DMGDH: variants seen among roughly 807,000 people sequenced by gnomAD.
The protein encoded by DMGDH is dimethylglycine dehydrogenase.
DMGDH carries 76 observed loss-of-function variants against 95.2 expected under a neutral mutation model. The observed-to-expected ratio is 0.80, with a 90% confidence interval of 0.66 to 0.97. The LOEUF is 0.97. DMGDH is among the 50% of genes least tolerant of loss of function. The probability of loss-of-function intolerance (pLI) is 0.00; values close to 1 mark genes in which losing one functional copy is unlikely to be tolerated. For missense variants in DMGDH, 987 were observed against 1,055.0 expected (o/e 0.94, Z 0.89); for synonymous variants, 345 against 377.6 (o/e 0.91, Z 1.00).
intron 2 of DMGDH, among the ~76,000 whole-genome samples, chr5:79,059,650 A>C (rs1274075656): frequency 6.6e-6 from 1 of 152,200 alleles, no homozygotes; most frequent in East Asian, 1.9e-4. Context: ...GGGGCAGAAA[A>C]CCTAATAATA....
chr5:79,007,787 C>T (rs1753577260), intron 14 of DMGDH, among the ~76,000 whole-genome samples: 1 of 152,216 alleles, frequency 6.6e-6, no homozygotes, highest in African/African-American at 2.4e-5. Context: ...TCCTGAGTCC[C>T]CTATTAAATA....
intron 14 of DMGDH, chr5:79,021,395 TA>T (rs1753863304): frequency 1.0e-5 from 12 of 1,179,782 alleles, no homozygotes; most frequent in African/African-American, 1.6e-5. Flanking sequence ...CAGCGGTACT[TA>T]ATAAATGTCT....
Position 78,998,317 on chromosome 5 carries a change from A to G in DMGDH, c.2386-20T>C. 2 of 1,603,626 alleles carry G rather than the reference A, an allele frequency of 1.2e-6. No homozygotes were observed. The highest frequency in any genetic ancestry group is 1.1e-5 in the South Asian group (1 of 90,080). On this transcript the variant is annotated intron_variant, in intron 15 of 15. Coordinates refer to ENST00000255189, the MANE Select transcript of DMGDH (RefSeq NM_013391.3). The stretch of plus-strand genomic sequence containing the variant: ...AACCACCTGGAAAACAAGACCCAAC[A>G]GTCCTCAGCATCTTGGTCACAGCTC...
rs886532028 is a variant in DMGDH, at chr5:79,006,075, C to T, written c.2251-668G>A. On this transcript the variant is annotated intron_variant, in intron 14 of 15. Transcript: ENST00000255189. ...ACCTTTTTTTTTTTTTTACTTCTTC[C>T]GTGCAACACATGACAGATGACATTC... Among the ~76,000 whole-genome samples, 30 of 149,754 alleles carry T rather than the reference C, an allele frequency of 2.0e-4. 1 individual carries two copies. The highest frequency in any genetic ancestry group is 5.4e-4 in the African/African-American group (22 of 40,782).
intron 14 of DMGDH, among the ~76,000 whole-genome samples, chr5:79,007,619 G>T (rs936148192): frequency 2.0e-5 from 3 of 152,026 alleles, no homozygotes; most frequent in Admixed American, 6.6e-5. Context: ...ATGCTTTATT[G>T]TGCAGAGAAG....
chr5:79,038,355 G>A (rs1454761137), intron 7 of DMGDH, among the ~76,000 whole-genome samples: 3 of 152,066 alleles, frequency 2.0e-5, no homozygotes, highest in South Asian at 2.1e-4. Context: ...ATGGTGGAGC[G>A]TGCTTGTAAT....
At chr5:79,020,265 C>T (rs1161720435) in intron 14 of DMGDH, among the ~76,000 whole-genome samples, 1 of 152,018 alleles carries the variant, frequency 6.6e-6, no homozygotes. Context: ...TTTTAAACAG[C>T]GAAATATTAT....
chr5:79,027,041 T>A (rs573736836), intron 12 of DMGDH, among the ~76,000 whole-genome samples: 159 of 152,330 alleles, frequency 1.0e-3, no homozygotes, highest in African/African-American at 3.7e-3. Context: ...GTTATCCTCA[T>A]AGTGAGAAAG....
intron 5 of DMGDH, among the ~76,000 whole-genome samples, chr5:79,046,218 C>T (rs961732245): frequency 6.6e-6 from 1 of 151,836 alleles, no homozygotes; most frequent in Admixed American, 6.6e-5. Flanking sequence ...TCCTGAGTAG[C>T]TGGGATTACA....
At chr5:79,060,991 G>A (rs1379380032) in intron 2 of DMGDH, among the ~76,000 whole-genome samples, 1 of 151,804 alleles carries the variant, frequency 6.6e-6, no homozygotes, top group African/African-American at 2.4e-5. Flanking sequence ...GGAGGCTTAA[G>A]TGGGAGGACT....
In DMGDH at chr5:79,044,382, C is replaced by T; in HGVS notation, c.916G>A (p.Gly306Arg). The T allele has an allele frequency of 6.2e-7, 1 of 1,614,166 alleles. No homozygotes were observed. Among genetic ancestry groups the T allele is most frequent in the Non-Finnish European group, 8.5e-7 (1 of 1,180,020 alleles). Residue 306 changes from glycine (G) to arginine (R), a missense_variant, in exon 6 of 16, where the codon GGG becomes AGG. Physicochemically the swap from Gly to Arg is moderately radical, Grantham distance 125. Transcript: ENST00000255189. ...GSYYLRQERD[G>R]LLFGPYESQE... Reference sequence around the variant, plus strand: ...CTTTCATATGGACCAAACAAAAGCCCATCCCTTTCCTGTCGGAGATAATAT... The same window carrying T: ...CTTTCATATGGACCAAACAAAAGCCTATCCCTTTCCTGTCGGAGATAATAT...
At chr5:79,062,241 A>G (rs1755230123) in intron 2 of DMGDH, among the ~76,000 whole-genome samples, 1 of 151,432 alleles carries the variant, frequency 6.6e-6, no homozygotes, top group Non-Finnish European at 1.5e-5. Context: ...ACTTTTCTTC[A>G]TGGTGATTAC....
chr5:79,049,808 T>C (rs892018149), intron 5 of DMGDH, among the ~76,000 whole-genome samples: 1 of 152,206 alleles, frequency 6.6e-6, no homozygotes, highest in Non-Finnish European at 1.5e-5. Flanking sequence ...TTTTATATTA[T>C]TGCAAATTTC....
rs753009586 is a variant in DMGDH at position 79,044,468 on chromosome 5, G to T, written c.830C>A (p.Thr277Asn). The change falls in exon 6 of 16, where the codon ACT becomes AAT. Residue 277 changes from threonine (T) to asparagine (N), a missense_variant. By Grantham distance (65) the Thr-to-Asn change is moderately conservative. Transcript: ENST00000255189. Reference protein sequence around the residue: ...PVQHQYVVTSTISEVKALKRE... With the variant: ...PVQHQYVVTSNISEVKALKRE... Reference sequence around the variant, plus strand: ...TTTCAAAGCTTTCACTTCAGATATAGTCGATGTAACAACATATTGATGTTG... The same window carrying T: ...TTTCAAAGCTTTCACTTCAGATATATTCGATGTAACAACATATTGATGTTG... 2 of 1,614,114 alleles carry T rather than the reference G, an allele frequency of 1.2e-6. No individual in the cohort carries two copies. The highest frequency in any genetic ancestry group is 8.5e-7 in the Non-Finnish European group (1 of 1,180,006).
Position 79,063,404 on chromosome 5 carries a change from G to A in DMGDH, c.276+209C>T, listed in dbSNP as rs371515935. On this transcript the variant is annotated intron_variant, in intron 2 of 15. Coordinates refer to ENST00000255189, the MANE Select transcript of DMGDH (RefSeq NM_013391.3). ...GTAGAAAATTGCAAAGCCAGGATTC[G>A]AATCCAGAAGCCATCTGTTCAAGAT... Among the ~76,000 whole-genome samples, 77 of 152,256 alleles carry A rather than the reference G, an allele frequency of 5.1e-4. 1 individual carries two copies. Among genetic ancestry groups the A allele is most frequent in the Admixed American group, 1.0e-3 (16 of 15,290 alleles).
chr5:79,023,466 T>C (rs975689244), intron 14 of DMGDH, among the ~76,000 whole-genome samples: 1 of 152,240 alleles, frequency 6.6e-6, no homozygotes, highest in African/African-American at 2.4e-5. Context: ...GCTTTTCCAC[T>C]ATAATTATTT....
intron 14 of DMGDH, chr5:79,021,268 AC>A: frequency 1.9e-6 from 2 of 1,052,116 alleles, no homozygotes; most frequent in Non-Finnish European, 2.3e-6. Flanking sequence ...ACGGCTAAGA[AC>A]GTATCCCTAC....
rs1044384068 is a variant in DMGDH at position 79,061,271 on chromosome 5, A to C, written c.276+2342T>G. On this transcript the variant is annotated intron_variant, in intron 2 of 15. Coordinates refer to ENST00000255189, the MANE Select transcript of DMGDH (RefSeq NM_013391.3). ...CACACACACACACACACACACAAACACCTAATATGTTGGATTTCTTCATGC... is the reference window on the plus strand; with the variant it reads ...CACACACACACACACACACACAAACCCCTAATATGTTGGATTTCTTCATGC... 1.1e-4 allele frequency among the ~76,000 whole-genome samples: 17 copies of C among 149,912 alleles called. No individual in the cohort carries two copies. The South Asian group carries it at 3.6e-3, about 32-fold the overall frequency.
At chr5:79,006,845 A>T (rs1472023322) in intron 14 of DMGDH, among the ~76,000 whole-genome samples, 1 of 95,266 alleles carries the variant, frequency 1.0e-5, no homozygotes, top group Admixed American at 1.2e-4. Flanking sequence ...CTCACCTGAG[A>T]CCCCCCCAGT....
Sources: allele counts gnomAD v4.1 joint callset (sites outside exome capture counted in the v4.1 genomes callset), GRCh38; gene constraint gnomAD v4.1.1; transcripts MANE v1.5; gene names NCBI Gene and HGNC (gene_info 2026-07-23, HGNC 2026-07-21).